Variants in SBF2 observed in about 807,000 individuals in gnomAD.
SBF2 encodes SET binding factor 2, also known as myotubularin-related protein 13.
A neutral mutation model predicts 225.2 loss-of-function variants in SBF2; 112 were observed. The ratio of observed to expected loss-of-function variants is 0.50; its 90% CI spans 0.43 to 0.58. The LOEUF is 0.58. Ranked by LOEUF, SBF2 falls within the 20% of genes least tolerant of loss-of-function variation. The pLI is 0.00. For synonymous variants in SBF2, 763 were observed against 773.3 expected, an observed-to-expected ratio of 0.99 and a Z score of 0.22; for missense variants, 1,996 against 2,206.2, an observed-to-expected ratio of 0.90 and a Z score of 1.91.
At chr11:10,287,190 G>C (rs1246040381) in intron 1 of SBF2, among the ~76,000 whole-genome samples, 1 of 152,192 alleles carries the variant, frequency 6.6e-6, no homozygotes, top group Admixed American at 6.5e-5. Flanking sequence ...ACAGAAAACA[G>C]ATCAGTGACT....
chr11:9,872,234 T>C (rs1445864707), intron 17 of SBF2, among the ~76,000 whole-genome samples: 2 of 152,158 alleles, frequency 1.3e-5, no homozygotes, highest in Non-Finnish European at 2.9e-5. Flanking sequence ...AACCTAACAC[T>C]GCATGTTCTT....
chr11:10,261,053 A>C (rs1350472264), intron 1 of SBF2, among the ~76,000 whole-genome samples: 2 of 152,234 alleles, frequency 1.3e-5, no homozygotes, highest in Admixed American at 6.5e-5. Flanking sequence ...AGAAGAAAAA[A>C]ACTGATCAAC....
chr11:10,278,597 A>G (rs1963150137), intron 1 of SBF2, among the ~76,000 whole-genome samples: 1 of 152,106 alleles, frequency 6.6e-6, no homozygotes, highest in Admixed American at 6.5e-5. Flanking sequence ...TCCGGCCAAC[A>G]TGGTGAAACC....
At chr11:10,184,888 G>A (rs12285093) in intron 2 of SBF2, among the ~76,000 whole-genome samples, 3,169 of 152,068 alleles carry the variant, frequency 0.021, 88 homozygotes, top group African/African-American at 0.063. Context: ...CACCACGCCC[G>A]GCTAATTTTT....
At chr11:10,066,988 A>G (rs1009102733) in intron 2 of SBF2, among the ~76,000 whole-genome samples, 10 of 152,210 alleles carry the variant, frequency 6.6e-5, no homozygotes, top group African/African-American at 2.4e-4. Flanking sequence ...CATCAAGAAT[A>G]TGAACTAGGC....
intron 1 of SBF2, among the ~76,000 whole-genome samples, chr11:10,225,648 T>A (rs978608506): frequency 3.3e-5 from 5 of 152,160 alleles, no homozygotes; most frequent in Admixed American, 6.5e-5. Flanking sequence ...TTTGCCTTCA[T>A]TTATTTAATT....
chr11:10,124,785 T>C (rs995880207), intron 2 of SBF2, among the ~76,000 whole-genome samples: 2 of 152,086 alleles, frequency 1.3e-5, no homozygotes, highest in African/African-American at 2.4e-5. Context: ...AAAAAATATA[T>C]ATACTCATCT....
intron 25 of SBF2, among the ~76,000 whole-genome samples, chr11:9,840,427 A>C (rs1856049878): frequency 6.6e-6 from 1 of 152,258 alleles, no homozygotes; most frequent in South Asian, 2.1e-4. Flanking sequence ...GAAATAAAAT[A>C]TCAGTAATTC....
intron 2 of SBF2, among the ~76,000 whole-genome samples, chr11:10,107,345 A>C (rs982419412): frequency 1.3e-5 from 2 of 152,238 alleles, no homozygotes; most frequent in African/African-American, 2.4e-5. Flanking sequence ...ATGAATTATT[A>C]ATCAATGCAA....
intron 1 of SBF2, among the ~76,000 whole-genome samples, chr11:10,256,905 T>C (rs945563081): frequency 1.3e-5 from 2 of 152,234 alleles, no homozygotes; most frequent in African/African-American, 2.4e-5. Flanking sequence ...ACAAGAATTA[T>C]GCTAGACGAA....
At chr11:10,214,524 A>C (rs939645077) in intron 1 of SBF2, among the ~76,000 whole-genome samples, 4 of 152,052 alleles carry the variant, frequency 2.6e-5, no homozygotes, top group Non-Finnish European at 5.9e-5. Flanking sequence ...TCGGGAGGCT[A>C]AGGCAGGATA....
chr11:9,819,093 G>C (rs936488837), intron 28 of SBF2: 1 of 152,142 alleles, frequency 6.6e-6, no homozygotes, highest in African/African-American at 2.4e-5. Flanking sequence ...TTTGTAAATG[G>C]AATCAGAGGA....
At chr11:9,917,943 C>T (rs1270094290) in intron 16 of SBF2, among the ~76,000 whole-genome samples, 1 of 151,576 alleles carries the variant, frequency 6.6e-6, no homozygotes, top group Non-Finnish European at 1.5e-5. Flanking sequence ...TAAACAGGAC[C>T]AGCATTTATT....
intron 14 of SBF2, among the ~76,000 whole-genome samples, chr11:9,966,021 A>G (rs1168287948): frequency 6.6e-6 from 1 of 152,256 alleles, no homozygotes; most frequent in Non-Finnish European, 1.5e-5. Context: ...AATCTAAAAT[A>G]TCTTTAGCAG....
At chr11:10,241,935 C>A (rs1292591818) in intron 1 of SBF2, among the ~76,000 whole-genome samples, 3 of 151,870 alleles carry the variant, frequency 2.0e-5, no homozygotes, top group Non-Finnish European at 4.4e-5. Flanking sequence ...GCCACAAATC[C>A]TAGCACCAGG....
At chr11:9,835,304 T>C (rs757093480) in intron 26 of SBF2, among the ~76,000 whole-genome samples, 4 of 152,060 alleles carry the variant, frequency 2.6e-5, no homozygotes, top group Non-Finnish European at 4.4e-5. Context: ...CAAGTCACTA[T>C]TTATTCTTCT....
intron 16 of SBF2, among the ~76,000 whole-genome samples, chr11:9,951,182 C>T (rs1187912493): frequency 6.6e-6 from 1 of 152,014 alleles, no homozygotes; most frequent in African/African-American, 2.4e-5. Flanking sequence ...AACAGTGTTC[C>T]AAACAAAGGC....
intron 1 of SBF2, among the ~76,000 whole-genome samples, chr11:10,202,638 A>T (rs1410619809): frequency 1.3e-5 from 2 of 152,126 alleles, no homozygotes; most frequent in African/African-American, 2.4e-5. Context: ...AACAAAAAAA[A>T]TTAGCTGGGC....
At chr11:9,826,751 ATGTG>A (rs1191716598) in intron 28 of SBF2, among the ~76,000 whole-genome samples, 44 of 146,164 alleles carry the variant, frequency 3.0e-4, no homozygotes, top group South Asian at 2.2e-4. Context: ...GTGTGTGTGT[ATGTG>A]TGTGTGTGTA....
Sources: gnomAD v4.1 joint callset for allele counts (sites outside exome capture counted in the v4.1 genomes callset) on GRCh38, gnomAD v4.1.1 for gene constraint, MANE v1.5 for transcripts, NCBI Gene and HGNC (gene_info 2026-07-23, HGNC 2026-07-21) for gene names.